The following SEC23B variants were observed in gnomAD, a reference collection of about 807,000 sequenced individuals.
The protein encoded by SEC23B is SEC23 homolog B, COPII component.
SEC23B carries 77 observed loss-of-function variants against 104.3 expected under a neutral mutation model. The observed-to-expected ratio is 0.74, with a 90% CI of 0.61 to 0.89. The LOEUF (loss-of-function observed/expected upper bound fraction) is 0.89. Ranked by LOEUF, SEC23B falls within the 40% of genes least tolerant of loss-of-function variation. SEC23B has a pLI of 0.00. For synonymous variants in SEC23B, 338 were observed against 332.5 expected, an observed-to-expected ratio of 1.02 and a Z score of -0.18; for missense variants, 885 against 949.4, an observed-to-expected ratio of 0.93 and a Z score of 0.89.
chr20:18,509,389 G>A (rs2059961544), intron 1 of SEC23B, among the ~76,000 whole-genome samples: 1 of 152,212 alleles, frequency 6.6e-6, no homozygotes, highest in South Asian at 2.1e-4. Flanking sequence ...CAGGAAGTGG[G>A]CGCGAGAGGC....
At chr20:18,526,227 C>G in intron 7 of SEC23B, 146 bp from the exon 8 acceptor site, 1 of 959,124 alleles carries the variant, frequency 1.0e-6, no homozygotes, top group Non-Finnish European at 1.6e-6. Flanking sequence ...TGCTTTTCTG[C>G]ATTATCATCT....
chr20:18,508,010 G>A (rs1384947348), intron 1 of SEC23B, 38 bp downstream of exon 1: 3 of 152,782 alleles, frequency 2.0e-5, no homozygotes, highest in Non-Finnish European at 4.4e-5. Flanking sequence ...GCGCATAGGT[G>A]ACGGAGGGCC....
intron 19 of SEC23B, 109 bp downstream of exon 19, chr20:18,555,282 G>GT: frequency 1.1e-6 from 1 of 892,318 alleles, no homozygotes; most frequent in Non-Finnish European, 1.8e-6. Flanking sequence ...GAATAACTGC[G>GT]TAAGTTGGGT....
chr20:18,560,841 A>C lies in SEC23B; in HGVS notation c.*101A>C. ...GTTACTTTTCTAGCAGATTTTAACA[A>C]ATAATCAAGGACATTTTATATGTAA... On this transcript the variant is annotated 3_prime_UTR_variant, in exon 20 of 20. Transcript: ENST00000650089. 1.2e-6 allele frequency: 1 copy of C among 867,604 alleles called. No homozygotes were observed. Among genetic ancestry groups the C allele is most frequent in the South Asian group, 1.3e-5 (1 of 74,688 alleles). 53.7% of individuals were successfully genotyped at this position (867,604 alleles called of 1,614,324 possible). A position where few individuals can be genotyped will look rare whatever the true frequency, so the allele number is the denominator to read the frequency against.
rs541860697 is a variant in SEC23B, at chr20:18,524,634, C to A, written c.568C>A (p.Arg190=). 1.2e-6 allele frequency: 2 copies of A among 1,614,076 alleles called. No homozygotes were observed. The highest frequency in any genetic ancestry group is 2.2e-5 in the South Asian group (2 of 91,072). ...AGGAATCTCCAAAAGTTATGTCTTC[C>A]GAGGGACCAAGGATTTAACTGCAAA... ...CEGISKSYVF[R]GTKDLTAKQI... is the part of the protein sequence containing the mutation. Residue 190 remains arginine, a synonymous_variant, in exon 5 of 20, where the codon CGA becomes AGA. Transcript: ENST00000650089.
intron 4 of SEC23B, among the ~76,000 whole-genome samples, chr20:18,516,805 G>A (rs548702392): frequency 1.6e-4 from 25 of 151,834 alleles, no homozygotes; most frequent in African/African-American, 5.6e-4. Flanking sequence ...CACCCACCTC[G>A]GCTTCCGAAA....
intron 4 of SEC23B, 101 bp from the exon 5 acceptor site, chr20:18,524,332 T>G (rs1332207724): frequency 1.2e-6 from 1 of 851,292 alleles, no homozygotes; most frequent in Non-Finnish European, 2.1e-6. Flanking sequence ...TAAAACTAAA[T>G]ATAGATGAAG....
intron 17 of SEC23B, among the ~76,000 whole-genome samples, chr20:18,553,973 G>T (rs1446358489): frequency 3.9e-5 from 6 of 152,180 alleles, no homozygotes; most frequent in Non-Finnish European, 8.8e-5. Context: ...TAATCCATGG[G>T]CTTTGTTAAC....
At chr20:18,509,890 C>G (rs1013219552) in intron 1 of SEC23B, 2 of 152,148 alleles carry the variant, frequency 1.3e-5, no homozygotes, top group African/African-American at 4.8e-5. Flanking sequence ...CTGGCCTTGA[C>G]CACAGCCTGT....
Position 18,512,283 on chromosome 20 carries a change from G to C in SEC23B, c.279+1G>C. On this transcript the variant is annotated splice_donor_variant, in intron 3 of 19. Transcript: ENST00000650089. LOFTEE classifies it high-confidence loss of function. ...TAATTTCTGTTTTCAAAGAAATCAGGTATGTGAATTATTTTTAAAAAATGT... is the reference window on the plus strand; with the variant it reads ...TAATTTCTGTTTTCAAAGAAATCAGCTATGTGAATTATTTTTAAAAAATGT... 6.4e-7 allele frequency: 1 copy of C among 1,552,804 alleles called. No individual in the cohort carries two copies.
At chr20:18,554,974 AATTAGATT>A in intron 18 of SEC23B, 126 bp from the exon 19 acceptor site, 11 of 151,292 alleles carry the variant, frequency 7.3e-5, no homozygotes, top group South Asian at 3.0e-4. Context: ...AAACAATTCT[AATTAGATT>A]ACTGTGCAGT....
In SEC23B at chr20:18,516,714, G is replaced by A. The variant is rs186868965; in HGVS notation, c.366+978G>A. Among the ~76,000 whole-genome samples the A allele has an allele frequency of 1.8e-4, 28 of 151,838 alleles. No individual in the cohort carries two copies. In the East Asian group the frequency reaches 5.4e-3, roughly 29 times the overall value. On this transcript the variant is annotated intron_variant, in intron 4 of 19. Coordinates refer to ENST00000650089, the MANE Select transcript of SEC23B (RefSeq NM_006363.6). ...TTACAGGCGCCTGCCACCACGCCCGGCTAATTTTTTTAATATTTTTAGTAG... is the reference window on the plus strand; with the variant it reads ...TTACAGGCGCCTGCCACCACGCCCGACTAATTTTTTTAATATTTTTAGTAG...
chr20:18,539,612 C>T (rs1439165918), intron 12 of SEC23B, among the ~76,000 whole-genome samples: 4 of 150,078 alleles, frequency 2.7e-5, no homozygotes, highest in Non-Finnish European at 5.9e-5. Flanking sequence ...GCTGGGATTA[C>T]AGGCGTGAGC....
At chr20:18,556,298 G>T (rs1369986760) in intron 19 of SEC23B, among the ~76,000 whole-genome samples, 1 of 151,812 alleles carries the variant, frequency 6.6e-6, no homozygotes, top group Non-Finnish European at 1.5e-5. Flanking sequence ...GTATGCATAG[G>T]TTATATGCAA....
chr20:18,524,242 A>G (rs1300208704), intron 4 of SEC23B, among the ~76,000 whole-genome samples, 191 bp from the exon 5 acceptor site: 1 of 152,224 alleles, frequency 6.6e-6, no homozygotes, highest in East Asian at 1.9e-4. Flanking sequence ...TTGGATACAA[A>G]TAGTTTTTAT....
chr20:18,515,747 TG>T lies in SEC23B; in HGVS notation c.366+12del. ...GAGTACGTGATACAGGTAATTTCTT[TG>T]TTGTGCATTTAATGAGCAATGTTAA... On this transcript the variant is annotated intron_variant, in intron 4 of 19. Transcript: ENST00000650089. The T allele has an allele frequency of 6.7e-7, 1 of 1,500,218 alleles. No homozygotes were observed. The highest frequency in any genetic ancestry group is 9.3e-7 in the Non-Finnish European group (1 of 1,076,226). The allele number at this position is 1,500,218 out of a possible 1,614,324, so 92.9% of individuals were successfully genotyped here. A position where few individuals can be genotyped will look rare whatever the true frequency, so the allele number is the denominator to read the frequency against.
chr20:18,522,834 G>GA (rs2060096302), intron 4 of SEC23B, among the ~76,000 whole-genome samples: 2 of 152,078 alleles, frequency 1.3e-5, no homozygotes, highest in South Asian at 4.2e-4. Context: ...GAGGCGGGGG[G>GA]ATCACAAAGT....
intron 4 of SEC23B, among the ~76,000 whole-genome samples, chr20:18,520,748 C>A (rs62216379): frequency 0.13 from 18,993 of 151,734 alleles, 1,291 homozygotes; most frequent in Admixed American, 0.18. Flanking sequence ...GAGTGGGTAG[C>A]CTCTGTACTG....
chr20:18,523,484 C>T (rs2060105141), intron 4 of SEC23B, among the ~76,000 whole-genome samples: 1 of 148,468 alleles, frequency 6.7e-6, no homozygotes, highest in East Asian at 2.0e-4. Context: ...CTCACTGCAA[C>T]CTCTGCCTCC....
Sources: gnomAD v4.1 joint callset for allele counts (sites outside exome capture counted in the v4.1 genomes callset) on GRCh38, gnomAD v4.1.1 for gene constraint, MANE v1.5 for transcripts, NCBI Gene and HGNC (gene_info 2026-07-23, HGNC 2026-07-21) for gene names.